ING2: variants seen among roughly 807,000 people sequenced by gnomAD.
ING2 encodes inhibitor of growth family member 2, also known as inhibitor of growth protein 2.
In ING2, 7 loss-of-function variants were observed where a neutral mutation model predicts 30.6. The observed-to-expected ratio is 0.23, with a 90% CI of 0.13 to 0.43. ING2 has a LOEUF of 0.43. Among genes scored for constraint, ING2 ranks in the 20% least tolerant of loss-of-function variants. The probability of loss-of-function intolerance (pLI) is 1.00; values close to 1 mark genes in which losing one functional copy is unlikely to be tolerated. For missense variants in ING2, 239 were observed against 334.9 expected, an observed-to-expected ratio of 0.71 and a Z score of 2.24; for synonymous variants, 136 against 121.7, an observed-to-expected ratio of 1.12 and a Z score of -0.78.
rs1181484284 is a variant in ING2, at chr4:183,510,489, A to G, written c.380A>G (p.Asp127Gly). 1.2e-6 allele frequency: 2 copies of G among 1,614,064 alleles called. No individual in the cohort carries two copies. The highest frequency in any genetic ancestry group is 1.3e-5 in the African/African-American group (1 of 74,942). Residue 127 changes from aspartate (D) to glycine (G), a missense_variant, in exon 2 of 2, where the codon GAT (aspartate) becomes GGT (glycine). By Grantham distance (94) the Asp-to-Gly change is moderately conservative. Transcript: ENST00000302327. ...GAGTTACACTCACAGTGTTTCCAAG[A>G]TCCTGCTGAAAGTGAACGAGCCTCA... ...QMELHSQCFQDPAESERASDK... is the reference protein window; with the variant it reads ...QMELHSQCFQGPAESERASDK...
chr4:183,508,036 A>G (rs188557552), intron 1 of ING2, among the ~76,000 whole-genome samples: 1 of 152,200 alleles, frequency 6.6e-6, no homozygotes, highest in African/African-American at 2.4e-5. Flanking sequence ...TAGTTTATAG[A>G]AAGTGCTTAC....
At chr4:183,505,923 C>A (rs1305124741) in intron 1 of ING2, among the ~76,000 whole-genome samples, 1 of 152,068 alleles carries the variant, frequency 6.6e-6, no homozygotes, top group Admixed American at 6.5e-5. Flanking sequence ...TCTCTCGCCC[C>A]GGGAAAGTTC....
chr4:183,505,343 C>T lies in ING2; in HGVS notation c.148C>T (p.Arg50Ter). ...HDMQRNVSVL[R>*]ELDNKYQETL... Reference sequence around the variant, plus strand: ...CATGCAGAGGAACGTGTCTGTGCTGCGAGAGCTGGACAACAAATATCAAGG... The same window carrying T: ...CATGCAGAGGAACGTGTCTGTGCTGTGAGAGCTGGACAACAAATATCAAGG... Residue 50 changes from arginine to a stop codon, truncating the protein, a stop_gained, in exon 1 of 2, where the codon CGA becomes TGA. Coordinates refer to ENST00000302327, the MANE Select transcript of ING2 (RefSeq NM_001564.4). LOFTEE classifies it high-confidence loss of function. The T allele has an allele frequency of 6.5e-7, 1 of 1,540,308 alleles. No homozygotes were observed. Among genetic ancestry groups the T allele is most frequent in the East Asian group, 2.6e-5 (1 of 39,164 alleles).
intron 1 of ING2, chr4:183,506,343 TC>T (rs759206496): frequency 7.7e-7 from 1 of 1,294,552 alleles, no homozygotes; most frequent in Non-Finnish European, 1.0e-6. Flanking sequence ...ATGTGTCACT[TC>T]CGGGCTTCAG....
In ING2 at chr4:183,506,334, T is replaced by A; in HGVS notation, c.172+967T>A. 2.3e-6 allele frequency: 3 copies of A among 1,299,320 alleles called. 1 individual carries two copies. The South Asian group carries it at 3.7e-5, about 16-fold the overall frequency. 80.5% of individuals were successfully genotyped at this position (1,299,320 alleles called of 1,614,324 possible). On this transcript the variant is annotated intron_variant, in intron 1 of 1. Coordinates refer to ENST00000302327, the MANE Select transcript of ING2 (RefSeq NM_001564.4). ...CTGGCTCCGCGTAGGTTCCGGGACA[T>A]GTGTCACTTCCGGGCTTCAGGAGGA...
chr4:183,508,876 AC>A (rs1734747243), intron 1 of ING2, among the ~76,000 whole-genome samples: 1 of 152,174 alleles, frequency 6.6e-6, no homozygotes, highest in Non-Finnish European at 1.5e-5. Flanking sequence ...ATTTTTGGAT[AC>A]CTTCTAGTGA....
At chr4:183,507,328 T>A (rs1734675483) in intron 1 of ING2, among the ~76,000 whole-genome samples, 1 of 152,252 alleles carries the variant, frequency 6.6e-6, no homozygotes, top group Non-Finnish European at 1.5e-5. Flanking sequence ...CTTGAACTCC[T>A]GACCTCAGGG....
In ING2 at chr4:183,511,039, C is replaced by A; in HGVS notation, c.*87C>A. 9.9e-7 allele frequency: 1 copy of A among 1,007,940 alleles called. No homozygotes were observed. Among genetic ancestry groups the A allele is most frequent in the Non-Finnish European group, 1.4e-6 (1 of 699,326 alleles). The allele number at this position is 1,007,940 out of a possible 1,614,324, so 62.4% of individuals were successfully genotyped here. ...AATGTTTTAGGGTAAATGCATAAGA[C>A]TATGCAATAATTTTTAATCATTAGT... On this transcript the variant is annotated 3_prime_UTR_variant, in exon 2 of 2. Transcript: ENST00000302327.
chr4:183,511,359 G>A lies in ING2; in HGVS notation c.*407G>A, dbSNP rs961221116. Among the ~76,000 whole-genome samples the A allele has an allele frequency of 2.6e-5, 4 of 152,130 alleles. No homozygotes were observed. Among genetic ancestry groups the A allele is most frequent in the African/African-American group, 9.7e-5 (4 of 41,412 alleles). On this transcript the variant is annotated 3_prime_UTR_variant, in exon 2 of 2. Transcript: ENST00000302327. Reference sequence around the variant, plus strand: ...TTCTCTTAAGCATCAAATGATCTTGGGTACTTTAAAATACAGACACTATGC... The same window carrying A: ...TTCTCTTAAGCATCAAATGATCTTGAGTACTTTAAAATACAGACACTATGC...
At chr4:183,507,245 C>T (rs1209392181) in intron 1 of ING2, among the ~76,000 whole-genome samples, 1 of 152,154 alleles carries the variant, frequency 6.6e-6, no homozygotes, top group South Asian at 2.1e-4. Context: ...GGATTACAGG[C>T]AACTGCCATC....
In ING2 at chr4:183,511,848, T is replaced by A. The variant is rs1383279783; in HGVS notation, c.*896T>A. Among the ~76,000 whole-genome samples, 1 of 152,240 alleles carries A rather than the reference T, an allele frequency of 6.6e-6. No homozygotes were observed. The highest frequency in any genetic ancestry group is 1.5e-5 in the Non-Finnish European group (1 of 68,030). ...GGGGCATATAGTAGTCTTTAAATAT[T>A]GCCTTTATGTCAGAGAGTTGTTTTA... On this transcript the variant is annotated 3_prime_UTR_variant, in exon 2 of 2. Transcript: ENST00000302327.
chr4:183,505,228 G>A lies in ING2; in HGVS notation c.33G>A (p.Ser11=), dbSNP rs753537081. Residue 11 remains serine, a synonymous_variant, in exon 1 of 2, where the codon TCG becomes TCA. Transcript: ENST00000302327. ...GGCAGCAGCAGCAGCAACTGTACTC[G>A]TCGGCCGCGCTCCTGACCGGGGAGC... The part of the protein sequence containing the change: MLGQQQQQLY[S]SAALLTGERS... 11 of 1,601,284 alleles carry A rather than the reference G, an allele frequency of 6.9e-6. No homozygotes were observed. Among genetic ancestry groups the A allele is most frequent in the Admixed American group, 1.7e-5 (1 of 58,944 alleles).
intron 1 of ING2, 88 bp from the exon 2 acceptor site, chr4:183,510,194 A>G: frequency 1.0e-6 from 1 of 973,280 alleles, no homozygotes; most frequent in Non-Finnish European, 1.5e-6. Flanking sequence ...TTGAGTTCTA[A>G]TTTCAATTCT....
intron 1 of ING2, among the ~76,000 whole-genome samples, chr4:183,506,523 G>A (rs1269662103): frequency 6.6e-6 from 1 of 152,206 alleles, no homozygotes; most frequent in Non-Finnish European, 1.5e-5. Context: ...CTACTAGGAG[G>A]GCAGTTTAAA....
intron 1 of ING2, among the ~76,000 whole-genome samples, chr4:183,508,028 G>T (rs1483987312): frequency 1.3e-5 from 2 of 151,938 alleles, no homozygotes; most frequent in African/African-American, 4.8e-5. Context: ...CTTTCATATA[G>T]TTTATAGAAA....
chr4:183,505,957 T>C (rs1229128490), intron 1 of ING2: 1 of 459,228 alleles, frequency 2.2e-6, no homozygotes, highest in African/African-American at 2.2e-5. Context: ...GTTGTAGCCC[T>C]AGCCCAGTTC....
intron 1 of ING2, 126 bp downstream of exon 1, chr4:183,505,493 G>A: frequency 1.0e-6 from 1 of 969,000 alleles, no homozygotes; most frequent in Non-Finnish European, 1.5e-6. Flanking sequence ...GCGGGACTGG[G>A]AGGACTGGAG....
intron 1 of ING2, chr4:183,505,998 C>G (rs1048111245): frequency 3.0e-5 from 24 of 791,528 alleles, no homozygotes; most frequent in Non-Finnish European, 3.8e-5. Context: ...GGGGAGGGGT[C>G]CCCCGCGGGA....
chr4:183,510,218 A>G (rs775487626), intron 1 of ING2, 64 bp from the exon 2 acceptor site: 1 of 1,162,538 alleles, frequency 8.6e-7, no homozygotes, highest in Non-Finnish European at 1.2e-6. Context: ...AAAAATAACT[A>G]CCTTGGAAAT....
Sources: gnomAD v4.1 joint callset for allele counts (sites outside exome capture counted in the v4.1 genomes callset) on GRCh38, gnomAD v4.1.1 for gene constraint, MANE v1.5 for transcripts, NCBI Gene and HGNC (gene_info 2026-07-23, HGNC 2026-07-21) for gene names.